Variants in DACH2 observed in about 807,000 individuals in gnomAD.
The protein encoded by DACH2 is dachshund family transcription factor 2, also known as dachshund homolog 2.
Under a neutral mutation model 35.8 loss-of-function variants are expected in DACH2, and 17 were observed. The observed-to-expected ratio is 0.48, with a 90% CI of 0.33 to 0.71. The LOEUF is 0.71. Among genes scored for constraint, DACH2 ranks in the 30% least tolerant of loss-of-function variants. The pLI is 0.02. For missense variants in DACH2, 469 were observed against 472.7 expected, an observed-to-expected ratio of 0.99 and a Z score of 0.07; for synonymous variants, 195 against 177.3, an observed-to-expected ratio of 1.10 and a Z score of -0.79.
chrX:86,311,176 A>T (rs2034792319), intron 1 of DACH2, among the ~76,000 whole-genome samples: 1 of 112,111 alleles, frequency 8.9e-6, no homozygotes, highest in South Asian at 3.7e-4. Context: ...ACAGGAATAG[A>T]CACTTACTCC....
intron 3 of DACH2, among the ~76,000 whole-genome samples, chrX:86,572,317 A>G (rs776787579): frequency 9.7e-6 from 1 of 103,449 alleles, no homozygotes; most frequent in South Asian, 4.6e-4. Flanking sequence ...GAAATATTGA[A>G]ATGCAAAAAA....
At chrX:86,254,483 C>G (rs2033462091) in intron 1 of DACH2, among the ~76,000 whole-genome samples, 1 of 108,792 alleles carries the variant, frequency 9.2e-6, no homozygotes, top group African/African-American at 3.3e-5. Context: ...ATTTCAGTAA[C>G]TAGTTTATGT....
intron 2 of DACH2, among the ~76,000 whole-genome samples, chrX:86,403,941 G>T (rs1433338178): frequency 9.1e-6 from 1 of 110,220 alleles, no homozygotes; most frequent in Non-Finnish European, 1.9e-5. Context: ...TTCTTCACAT[G>T]GTGGCAGCAA....
intron 1 of DACH2, among the ~76,000 whole-genome samples, chrX:86,226,467 C>A (rs1444730178): frequency 9.0e-6 from 1 of 111,330 alleles, no homozygotes; most frequent in Non-Finnish European, 1.9e-5. Flanking sequence ...ATGAGTCTTT[C>A]TTTTGTCAAC....
At chrX:86,394,729 T>C (rs182560267) in intron 2 of DACH2, among the ~76,000 whole-genome samples, 1 of 111,934 alleles carries the variant, frequency 8.9e-6, no homozygotes, top group Admixed American at 9.5e-5. Flanking sequence ...TAAGACTGTA[T>C]ATCCTTTCTG....
At position 86,454,966 on chromosome X, in the gene DACH2, T is replaced by A. The variant is rs143364612; in HGVS notation, c.528-59313T>A. 1.1e-4 allele frequency among the ~76,000 whole-genome samples: 12 copies of A among 111,506 alleles called. No individual in the cohort carries two copies. The East Asian group carries it at 3.4e-3, about 32-fold the overall frequency. ...CTTTGAATGGGGTTTTATGGGGACA[T>A]TTTTGTTGTTGTTGTTGTTTTCTGT... On this transcript the variant is annotated intron_variant, in intron 2 of 11. Transcript: ENST00000373125.
intron 1 of DACH2, among the ~76,000 whole-genome samples, chrX:86,335,058 C>CAG (rs2035281295): frequency 9.0e-6 from 1 of 111,529 alleles, no homozygotes; most frequent in Non-Finnish European, 1.9e-5. Flanking sequence ...TGTCAAAGAT[C>CAG]AGATGGTTGT....
At position 86,303,063 on chromosome X, in the gene DACH2, T is replaced by A. The variant is rs937953443; in HGVS notation, c.489-73761T>A. Reference sequence around the variant, plus strand: ...TAAGTAGCTTGCCTCAAATTATACATCTAGTATGTTGTGGAGGTGGGATTC... The same window carrying A: ...TAAGTAGCTTGCCTCAAATTATACAACTAGTATGTTGTGGAGGTGGGATTC... On this transcript the variant is annotated intron_variant, in intron 1 of 11. Transcript: ENST00000373125. 2.9e-5 allele frequency among the ~76,000 whole-genome samples: 3 copies of A among 102,450 alleles called. No individual in the cohort carries two copies. The East Asian group carries it at 9.1e-4, about 31-fold the overall frequency. 89.0% of individuals were successfully genotyped at this position (102,450 alleles called of 115,157 possible). A position where few individuals can be genotyped will look rare whatever the true frequency, so the allele number is the denominator to read the frequency against.
At chrX:86,426,835 A>C (rs1490704871) in intron 2 of DACH2, among the ~76,000 whole-genome samples, 3 of 111,990 alleles carry the variant, frequency 2.7e-5, no homozygotes, top group African/African-American at 9.7e-5. Context: ...TTTAAAAATG[A>C]ACAATAACCA....
intron 2 of DACH2, among the ~76,000 whole-genome samples, chrX:86,410,490 C>A (rs1458092048): frequency 4.5e-5 from 5 of 111,669 alleles, no homozygotes; most frequent in Non-Finnish European, 7.5e-5. Context: ...CTAGTTGGAA[C>A]TAACTACGTG....
chrX:86,773,122 T>C (rs1044090119), intron 7 of DACH2, among the ~76,000 whole-genome samples: 2 of 111,931 alleles, frequency 1.8e-5, no homozygotes. Context: ...GATTAAATTG[T>C]GGTCAGTTCA....
intron 3 of DACH2, among the ~76,000 whole-genome samples, chrX:86,557,086 G>T (rs767054597): frequency 2.7e-5 from 3 of 109,441 alleles, no homozygotes; most frequent in African/African-American, 9.9e-5. Flanking sequence ...GGGCAGGAAA[G>T]GATGGATGGT....
chrX:86,234,748 G>A (rs1010622837), intron 1 of DACH2, among the ~76,000 whole-genome samples: 4 of 109,027 alleles, frequency 3.7e-5, no homozygotes, highest in African/African-American at 1.3e-4. Flanking sequence ...TGAATAGCTG[G>A]GATTATGTGT....
At chrX:86,379,494 G>GAA (rs201266171) in intron 2 of DACH2, among the ~76,000 whole-genome samples, 3,949 of 105,320 alleles carry the variant, frequency 0.037, 106 homozygotes, top group East Asian at 0.2. Flanking sequence ...AATCTCTCTA[G>GAA]GAAAAAAAAA....
At chrX:86,465,205 AAAG>A (rs1194648849) in intron 2 of DACH2, among the ~76,000 whole-genome samples, 1 of 112,364 alleles carries the variant, frequency 8.9e-6, no homozygotes, top group Non-Finnish European at 1.9e-5. Flanking sequence ...ACAAACAAAA[AAAG>A]AAGTAGAGAC....
intron 2 of DACH2, among the ~76,000 whole-genome samples, chrX:86,430,909 G>GT (rs1569396511): frequency 8.9e-6 from 1 of 111,805 alleles, no homozygotes; most frequent in African/African-American, 3.3e-5. Flanking sequence ...ACGATGACAT[G>GT]TTTTTTGTTA....
intron 11 of DACH2, chrX:86,827,996 C>T: frequency 2.6e-6 from 1 of 380,611 alleles, no homozygotes; most frequent in Non-Finnish European, 4.5e-6. Flanking sequence ...ATAATAATGA[C>T]TGAACACATT....
intron 1 of DACH2, among the ~76,000 whole-genome samples, chrX:86,293,138 AG>A (rs1569334365): frequency 1.0e-5 from 1 of 96,860 alleles, no homozygotes; most frequent in East Asian, 3.4e-4. Flanking sequence ...TATTTAGGAT[AG>A]TTAGCTTTTC....
chrX:86,362,830 T>C (rs183886232), intron 1 of DACH2, among the ~76,000 whole-genome samples: 6 of 111,059 alleles, frequency 5.4e-5, no homozygotes, highest in African/African-American at 1.6e-4. Flanking sequence ...TCGGTACCGG[T>C]ACCATATTCT....
Sources: gnomAD v4.1 joint callset for allele counts (sites outside exome capture counted in the v4.1 genomes callset) on GRCh38, gnomAD v4.1.1 for gene constraint, MANE v1.5 for transcripts, NCBI Gene and HGNC (gene_info 2026-07-23, HGNC 2026-07-21) for gene names.